KIF5B: variants seen among roughly 807,000 people sequenced by gnomAD.
KIF5B encodes the protein kinesin family member 5B.
A neutral mutation model predicts 132.8 loss-of-function variants in KIF5B; 49 were observed. That is an observed-to-expected ratio of 0.37 (90% confidence interval 0.29 to 0.47). KIF5B has a LOEUF of 0.47. Among genes scored for constraint, KIF5B ranks in the 20% least tolerant of loss-of-function variants. KIF5B has a pLI of 1.00. For synonymous variants in KIF5B, 355 were observed against 369.4 expected (o/e 0.96, Z 0.45); for missense variants, 780 against 1,144.0 (o/e 0.68, Z 4.59).
intron 1 of KIF5B, among the ~76,000 whole-genome samples, chr10:32,050,724 T>C (rs1433402471): frequency 1.3e-5 from 2 of 152,262 alleles, no homozygotes; most frequent in Non-Finnish European, 2.9e-5. Flanking sequence ...CGATGTCTGA[T>C]TATTCTTTAG....
chr10:32,015,543 C>T lies in KIF5B; in HGVS notation c.2878G>A (p.Gly960Ser). The change falls in exon 25 of 26, where the codon GGC becomes AGC. Residue 960 changes from glycine (G) to serine (S), a missense_variant. Gly to Ser is a moderately conservative substitution (Grantham distance 56). Transcript: ENST00000302418. ...SQPVAVRGGGGKQV is the reference protein window; with the variant it reads ...SQPVAVRGGGSKQV ...TGTATAAACGATTACACTTGTTTGC[C>T]TCCTCCACCTCGCACTGCCACTGGC... 13 of 1,611,238 alleles carry T rather than the reference C, an allele frequency of 8.1e-6. No individual in the cohort carries two copies. Among genetic ancestry groups the T allele is most frequent in the Non-Finnish European group, 1.1e-5 (13 of 1,178,742 alleles).
At chr10:32,031,311 A>G in intron 13 of KIF5B, 32 bp from the exon 14 acceptor site, 1 of 1,568,178 alleles carries the variant, frequency 6.4e-7, no homozygotes, top group Non-Finnish European at 8.8e-7. Context: ...ATTTTCCCCA[A>G]AAGTATACAG....
chr10:32,024,682 T>C (rs981619353), intron 15 of KIF5B, among the ~76,000 whole-genome samples: 2 of 151,826 alleles, frequency 1.3e-5, no homozygotes, highest in Non-Finnish European at 2.9e-5. Context: ...GAAGAATTGC[T>C]TGAACCCAGG....
intron 14 of KIF5B, 40 bp downstream of exon 14, chr10:32,031,033 G>T: frequency 7.2e-7 from 1 of 1,391,670 alleles, no homozygotes; most frequent in Non-Finnish European, 1.0e-6. Flanking sequence ...AAGAATACTT[G>T]TACTAAAGCA....
intron 13 of KIF5B, 122 bp downstream of exon 13, chr10:32,032,584 T>G (rs1387290308): frequency 1.3e-6 from 1 of 749,112 alleles, no homozygotes. Context: ...CATGTGACAT[T>G]CTTATTCCCA....
chr10:32,032,763 A>T lies in KIF5B; in HGVS notation c.1317T>A (p.Ile439=), dbSNP rs1195289054. The change falls in exon 13 of 26, where the codon ATT becomes ATA. Residue 439 remains isoleucine (I), a synonymous_variant. Transcript: ENST00000302418. ...YKQLDDKDEE[I]NQQSQLVEKL... ...TCTCTACCAGTTGACTTTGCTGGTT[A>T]ATTTCTTCATCCTAGAATTGTGAAG... The T allele has an allele frequency of 3.7e-6, 6 of 1,613,780 alleles. No individual in the cohort carries two copies. In the Admixed American group the frequency reaches 6.7e-5, roughly 18 times the overall value.
chr10:32,056,417 T>C lies in KIF5B; in HGVS notation c.-444A>G, dbSNP rs12251445. On this transcript the variant is annotated 5_prime_UTR_variant, in exon 1 of 26. Coordinates refer to ENST00000302418, the MANE Select transcript of KIF5B (RefSeq NM_004521.3). ...TGCCCGATCACTCCTGAGGCCGCCGTTGGGCGACAGGGCGGTGCGGGAGGA... is the reference window on the plus strand; with the variant it reads ...TGCCCGATCACTCCTGAGGCCGCCGCTGGGCGACAGGGCGGTGCGGGAGGA... The C allele has an allele frequency of 0.25, 41,381 of 162,730 alleles. 5,492 individuals carry two copies. The highest frequency in any genetic ancestry group is 0.38 in the East Asian group (1,982 of 5,152). 10.1% of individuals were successfully genotyped at this position (162,730 alleles called of 1,614,324 possible). A position where few individuals can be genotyped will look rare whatever the true frequency, so the allele number is the denominator to read the frequency against.
chr10:32,048,104 C>T (rs141315833), intron 2 of KIF5B, among the ~76,000 whole-genome samples: 1,928 of 152,314 alleles, frequency 0.013, 26 homozygotes, highest in Middle Eastern at 0.024. Context: ...CCATTTTCCA[C>T]TACTTTTTAG....
intron 2 of KIF5B, among the ~76,000 whole-genome samples, chr10:32,047,030 A>G (rs889624975): frequency 6.6e-6 from 1 of 152,248 alleles, no homozygotes; most frequent in Admixed American, 6.5e-5. Flanking sequence ...TAAATATTTC[A>G]TATGATTTAT....
chr10:32,035,384 T>C, intron 10 of KIF5B, 138 bp downstream of exon 10: 1 of 634,334 alleles, frequency 1.6e-6, no homozygotes, highest in South Asian at 2.9e-5. Flanking sequence ...CCACCTTGTA[T>C]TATCTGTCAT....
chr10:32,042,746 T>C (rs777900955), intron 2 of KIF5B, among the ~76,000 whole-genome samples: 11 of 152,184 alleles, frequency 7.2e-5, no homozygotes, highest in Non-Finnish European at 1.6e-4. Context: ...TCTTTCATAC[T>C]GTATCAACAG....
intron 2 of KIF5B, among the ~76,000 whole-genome samples, chr10:32,041,666 C>A (rs895532409): frequency 1.3e-5 from 2 of 152,212 alleles, no homozygotes; most frequent in African/African-American, 4.8e-5. Flanking sequence ...CCCCTCTGTT[C>A]AGAGTGCAAT....
intron 2 of KIF5B, among the ~76,000 whole-genome samples, chr10:32,041,338 C>T (rs1484188006): frequency 6.6e-6 from 1 of 152,134 alleles, no homozygotes; most frequent in African/African-American, 2.4e-5. Flanking sequence ...TGGACCCAGA[C>T]TGCTTTCTGT....
Position 32,056,326 on chromosome 10 carries a change from T to C in KIF5B, c.-353A>G. The C allele has an allele frequency of 3.7e-6, 1 of 266,996 alleles. No homozygotes were observed. The highest frequency in any genetic ancestry group is 7.2e-6 in the Non-Finnish European group (1 of 138,902). The allele number at this position is 266,996 out of a possible 1,614,324, so 16.5% of individuals were successfully genotyped here. A position where few individuals can be genotyped will look rare whatever the true frequency, so the allele number is the denominator to read the frequency against. ...ACCGGGAGAGTGGCCACCTTCTTCC[T>C]CCTCGCGAAGAGCAGGCCGGGCCTA... On this transcript the variant is annotated 5_prime_UTR_variant, in exon 1 of 26. Transcript: ENST00000302418.
intron 12 of KIF5B, 100 bp downstream of exon 12, chr10:32,033,745 C>T (rs1368817326): frequency 1.8e-5 from 12 of 684,220 alleles, no homozygotes; most frequent in Non-Finnish European, 2.9e-5. Flanking sequence ...CATAAAGATC[C>T]TAAGTGCCCA....
intron 24 of KIF5B, among the ~76,000 whole-genome samples, chr10:32,016,732 G>T (rs1841173784): frequency 6.6e-6 from 1 of 152,032 alleles, no homozygotes; most frequent in Non-Finnish European, 1.5e-5. Context: ...TAGAGACAGG[G>T]TTTCACCATG....
Position 32,035,511 on chromosome 10 carries a change from T to G in KIF5B, c.962+11A>C. 6.3e-7 allele frequency: 1 copy of G among 1,598,628 alleles called. No homozygotes were observed. The highest frequency in any genetic ancestry group is 8.5e-7 in the Non-Finnish European group (1 of 1,174,870). On this transcript the variant is annotated intron_variant, in intron 10 of 25. Coordinates refer to ENST00000302418, the MANE Select transcript of KIF5B (RefSeq NM_004521.3). ...TCTAAATTTAGGTTTTGTACTTTCT[T>G]AACAACAAACCTTTGGCCAAATAAG...
At chr10:32,054,761 C>T (rs1174532068) in intron 1 of KIF5B, among the ~76,000 whole-genome samples, 1 of 152,204 alleles carries the variant, frequency 6.6e-6, no homozygotes, top group African/African-American at 2.4e-5. Flanking sequence ...CCATACTTTA[C>T]AATTAATTTT....
intron 23 of KIF5B, 60 bp from the exon 24 acceptor site, chr10:32,017,419 G>T: frequency 7.7e-7 from 1 of 1,307,068 alleles, no homozygotes; most frequent in Non-Finnish European, 1.1e-6. Flanking sequence ...GAAAAAGTAT[G>T]AGCATTTCAT....
Sources: gnomAD v4.1 joint callset for allele counts (sites outside exome capture counted in the v4.1 genomes callset) on GRCh38, gnomAD v4.1.1 for gene constraint, MANE v1.5 for transcripts, NCBI Gene and HGNC (gene_info 2026-07-23, HGNC 2026-07-21) for gene names.